The following KIAA2012 variants were observed in gnomAD, a reference collection of about 807,000 sequenced individuals.
The protein encoded by KIAA2012 is KIAA2012, also known as uncharacterized protein KIAA2012.
A neutral mutation model predicts 150.6 loss-of-function variants in KIAA2012; 125 were observed. The observed-to-expected ratio is 0.83, with a 90% confidence interval of 0.72 to 0.96. The LOEUF is 0.96. Ranked by LOEUF, KIAA2012 falls within the 40% of genes least tolerant of loss-of-function variation. The probability of loss-of-function intolerance (pLI) is 0.00; values close to 1 mark genes in which losing one functional copy is unlikely to be tolerated. For synonymous variants in KIAA2012, 462 were observed against 504.7 expected (o/e 0.92, Z 1.13); for missense variants, 1,219 against 1,354.9 (o/e 0.90, Z 1.57).
intron 12 of KIAA2012, among the ~76,000 whole-genome samples, chr2:202,127,806 T>C (rs996373819): frequency 4.4e-4 from 67 of 152,216 alleles, no homozygotes; most frequent in African/African-American, 1.5e-3. Context: ...CATTTTTTAA[T>C]TGCGGTAAAA....
chr2:202,202,795 T>TG (rs1692555273), intron 23 of KIAA2012, among the ~76,000 whole-genome samples: 1 of 151,894 alleles, frequency 6.6e-6, no homozygotes, highest in South Asian at 2.1e-4. Flanking sequence ...CCAGGCATGG[T>TG]GGGGTGTGCC....
intron 22 of KIAA2012, among the ~76,000 whole-genome samples, chr2:202,199,735 G>A (rs1692477978): frequency 6.6e-6 from 1 of 152,100 alleles, no homozygotes; most frequent in Admixed American, 6.6e-5. Flanking sequence ...AAGTCGTTTT[G>A]TAGTGAGGCA....
chr2:202,099,134 T>C (rs1689977021), intron 5 of KIAA2012, among the ~76,000 whole-genome samples: 1 of 151,976 alleles, frequency 6.6e-6, no homozygotes, highest in Non-Finnish European at 1.5e-5. Context: ...ACTACAGGTG[T>C]GTGCCACCAT....
At chr2:202,074,861 C>G in intron 1 of KIAA2012, 30 bp from the exon 2 acceptor site, 6 of 1,519,394 alleles carry the variant, frequency 3.9e-6, no homozygotes, top group South Asian at 1.3e-5. Context: ...TCCACAGTGG[C>G]TCCGTCAAAG....
At chr2:202,160,014 G>A (rs1429334389) in intron 14 of KIAA2012, among the ~76,000 whole-genome samples, 3 of 152,162 alleles carry the variant, frequency 2.0e-5, no homozygotes, top group Admixed American at 6.5e-5. Flanking sequence ...CACATATTGA[G>A]CCTTGTATAA....
chr2:202,175,061 C>A (rs1204677701), intron 15 of KIAA2012, among the ~76,000 whole-genome samples: 1 of 152,154 alleles, frequency 6.6e-6, no homozygotes, highest in Admixed American at 6.5e-5. Context: ...GTTGATATGA[C>A]CTTTAAATCT....
intron 14 of KIAA2012, among the ~76,000 whole-genome samples, chr2:202,160,354 C>T (rs1247252815): frequency 1.4e-5 from 2 of 143,838 alleles, no homozygotes; most frequent in Non-Finnish European, 3.0e-5. Flanking sequence ...CGCTCTGTCA[C>T]CCAGGCTAGA....
Position 202,140,516 on chromosome 2 carries a change from G to GC in KIAA2012, c.1908+2012dup, listed in dbSNP as rs555898813. ...GGGCATCTGAGGAGAAGTCTAGGGA[G>GC]CCCCACCAGCCCCAAACACAGAGAA... On this transcript the variant is annotated intron_variant, in intron 13 of 23. Transcript: ENST00000498697. 5.8e-4 allele frequency among the ~76,000 whole-genome samples: 89 copies of GC among 152,226 alleles called. 2 individuals carry two copies. The highest frequency in any genetic ancestry group is 1.2e-3 in the Non-Finnish European group (84 of 67,988).
intron 19 of KIAA2012, 46 bp downstream of exon 19, chr2:202,190,539 C>T (rs1247256440): frequency 1.4e-5 from 19 of 1,375,012 alleles, no homozygotes; most frequent in Non-Finnish European, 1.6e-5. Flanking sequence ...TCTGTTCTCA[C>T]TTGGCGCGAC....
intron 11 of KIAA2012, among the ~76,000 whole-genome samples, chr2:202,124,794 G>C (rs1690740797): frequency 6.6e-6 from 1 of 152,300 alleles, no homozygotes; most frequent in African/African-American, 2.4e-5. Context: ...TTCAAGGCCG[G>C]TGCGGTGGCT....
chr2:202,112,873 A>G (rs1021542990), intron 10 of KIAA2012, among the ~76,000 whole-genome samples: 1 of 152,218 alleles, frequency 6.6e-6, no homozygotes, highest in African/African-American at 2.4e-5. Context: ...TGGCATCACC[A>G]AGCCATCCCA....
At chr2:202,107,600 C>T (rs924386637) in intron 9 of KIAA2012, among the ~76,000 whole-genome samples, 16 of 152,140 alleles carry the variant, frequency 1.1e-4, no homozygotes, top group African/African-American at 3.4e-4. Context: ...AACTGAGTAC[C>T]AGAACTTGTC....
chr2:202,140,158 A>G (rs1691169175), intron 13 of KIAA2012, among the ~76,000 whole-genome samples: 1 of 152,094 alleles, frequency 6.6e-6, no homozygotes, highest in Admixed American at 6.6e-5. Context: ...AATGCAGAAG[A>G]TGGAGGTTGC....
chr2:202,178,342 C>T (rs1284151467), intron 15 of KIAA2012, among the ~76,000 whole-genome samples: 2 of 152,060 alleles, frequency 1.3e-5, no homozygotes, highest in African/African-American at 4.8e-5. Context: ...TTAAAAAGTA[C>T]TTAAAAGTTG....
chr2:202,176,991 G>C (rs747433403), intron 15 of KIAA2012, among the ~76,000 whole-genome samples: 1 of 151,946 alleles, frequency 6.6e-6, no homozygotes, highest in Non-Finnish European at 1.5e-5. Context: ...ACCTAAAAAG[G>C]TTCATTGAAA....
intron 23 of KIAA2012, among the ~76,000 whole-genome samples, chr2:202,203,479 G>A (rs1692570137): frequency 6.6e-6 from 1 of 152,168 alleles, no homozygotes; most frequent in East Asian, 1.9e-4. Context: ...AGATTCTAGA[G>A]CTGCACTGCT....
intron 16 of KIAA2012, among the ~76,000 whole-genome samples, chr2:202,185,231 C>T (rs1692204134): frequency 6.6e-6 from 1 of 152,144 alleles, no homozygotes; most frequent in Non-Finnish European, 1.5e-5. Context: ...ATAATCTTAA[C>T]ACCAATATTA....
chr2:202,150,604 A>G (rs887590761), intron 13 of KIAA2012, among the ~76,000 whole-genome samples: 15 of 151,966 alleles, frequency 9.9e-5, no homozygotes, highest in African/African-American at 3.6e-4. Flanking sequence ...TTGCACCACC[A>G]TGCCTGGTTG....
Position 202,105,759 on chromosome 2 carries a change from AG to A in KIAA2012, c.1325del. 2 of 1,550,236 alleles carry A rather than the reference AG, an allele frequency of 1.3e-6. No individual in the cohort carries two copies. Among genetic ancestry groups the A allele is most frequent in the African/African-American group, 1.4e-5 (1 of 73,180 alleles). ...CAATTCAGCCTCCTCTTTGTCTCCTAGGTGCTCCACACCCTGAGTCAGAACC... is the reference window on the plus strand; with the variant it reads ...CAATTCAGCCTCCTCTTTGTCTCCTAGTGCTCCACACCCTGAGTCAGAACC... On this transcript the variant is annotated splice_acceptor_variant, in intron 8 of 23. Transcript: ENST00000498697. LOFTEE classifies it high-confidence loss of function.
Sources: gnomAD v4.1 joint callset for allele counts (sites outside exome capture counted in the v4.1 genomes callset) on GRCh38, gnomAD v4.1.1 for gene constraint, MANE v1.5 for transcripts, NCBI Gene and HGNC (gene_info 2026-07-23, HGNC 2026-07-21) for gene names.